The following XRN1 variants were observed in gnomAD, a reference collection of about 807,000 sequenced individuals.
The protein encoded by XRN1 is 5'-3' exoribonuclease 1.
XRN1 carries 67 observed loss-of-function variants against 222.3 expected under a neutral mutation model. The observed-to-expected ratio is 0.30, with a 90% CI of 0.25 to 0.37. The LOEUF is 0.37. Among genes scored for constraint, XRN1 ranks in the 10% least tolerant of loss-of-function variants. The pLI, the probability that XRN1 is intolerant of heterozygous loss-of-function variation, is 1.00. For missense variants in XRN1, 1,707 were observed against 2,000.2 expected (o/e 0.85, Z 2.80); for synonymous variants, 643 against 652.4 (o/e 0.99, Z 0.22).
At chr3:142,364,987 C>G (rs1429561217) in intron 29 of XRN1, 60 bp downstream of exon 29, 1 of 1,501,146 alleles carries the variant, frequency 6.7e-7, no homozygotes, top group Admixed American at 2.2e-5. Context: ...AACAGACAAG[C>G]CTGTTTATTA....
At chr3:142,379,586 A>G (rs1431829536) in intron 23 of XRN1, among the ~76,000 whole-genome samples, 1 of 152,246 alleles carries the variant, frequency 6.6e-6, no homozygotes, top group Non-Finnish European at 1.5e-5. Flanking sequence ...ACAAGAGAAA[A>G]GAACGCCAGT....
chr3:142,409,070 T>C (rs183576509), intron 15 of XRN1, among the ~76,000 whole-genome samples: 1 of 152,350 alleles, frequency 6.6e-6, no homozygotes, highest in African/African-American at 2.4e-5. Flanking sequence ...TTGGAGGAGC[T>C]GGTTATATAC....
At chr3:142,360,992 C>A (rs573070396) in intron 29 of XRN1, among the ~76,000 whole-genome samples, 103 of 151,940 alleles carry the variant, frequency 6.8e-4, no homozygotes, top group African/African-American at 2.4e-3. Context: ...ACATAATTAA[C>A]CATAAAGCCA....
chr3:142,393,519 G>C (rs900441192), intron 20 of XRN1, among the ~76,000 whole-genome samples: 2 of 150,534 alleles, frequency 1.3e-5, no homozygotes, highest in Non-Finnish European at 3.0e-5. Context: ...GTAAGGAAGG[G>C]ATCCAGTTTC....
intron 25 of XRN1, among the ~76,000 whole-genome samples, chr3:142,375,064 C>T (rs1421570910): frequency 1.3e-5 from 2 of 152,174 alleles, no homozygotes; most frequent in Non-Finnish European, 2.9e-5. Flanking sequence ...AACAGAGATG[C>T]TTCCCTAGTG....
chr3:142,417,124 G>GT lies in XRN1; in HGVS notation c.1436+15dup. On this transcript the variant is annotated intron_variant, in intron 13 of 40. Coordinates refer to ENST00000392981, the MANE Select transcript of XRN1 (RefSeq NM_001282857.2). ...TATAAAAAGACAAAACTTTATTTTT[G>GT]TTTTTATTCTCTCACCAGCTCCAGG... is the stretch of plus-strand genomic sequence containing the variant. 6.3e-7 allele frequency: 1 copy of GT among 1,577,138 alleles called. No homozygotes were observed. The highest frequency in any genetic ancestry group is 8.7e-7 in the Non-Finnish European group (1 of 1,155,808).
intron 25 of XRN1, among the ~76,000 whole-genome samples, chr3:142,373,688 T>C (rs1321672728): frequency 6.6e-6 from 1 of 152,148 alleles, no homozygotes; most frequent in African/African-American, 2.4e-5. Flanking sequence ...GAACAGTGGT[T>C]TCAAAATTCT....
chr3:142,421,865 G>A (rs1343546149), intron 8 of XRN1, among the ~76,000 whole-genome samples: 4 of 152,108 alleles, frequency 2.6e-5, no homozygotes, highest in Non-Finnish European at 4.4e-5. Context: ...AAGGACTGAT[G>A]TTCTGCTACC....
At chr3:142,426,640 C>T in intron 3 of XRN1, 104 bp downstream of exon 3, 1 of 1,129,648 alleles carries the variant, frequency 8.9e-7, no homozygotes, top group Non-Finnish European at 1.3e-6. Context: ...TAAATGGAAC[C>T]CTAAGGCCAA....
At chr3:142,368,383 A>G (rs932181242) in intron 27 of XRN1, among the ~76,000 whole-genome samples, 6 of 152,178 alleles carry the variant, frequency 3.9e-5, no homozygotes, top group African/African-American at 1.4e-4. Context: ...TCCTGACCTC[A>G]GGTGATCCAC....
At chr3:142,331,678 G>C (rs148726571) in intron 36 of XRN1, among the ~76,000 whole-genome samples, 2 of 152,290 alleles carry the variant, frequency 1.3e-5, no homozygotes, top group African/African-American at 2.4e-5. Context: ...TAAAGGTTTG[G>C]ATGTCTACAG....
At chr3:142,349,282 G>A (rs1382733893) in intron 32 of XRN1, among the ~76,000 whole-genome samples, 1 of 151,974 alleles carries the variant, frequency 6.6e-6, no homozygotes, top group East Asian at 1.9e-4. Flanking sequence ...AGTCAAAATG[G>A]CATGAGATTT....
chr3:142,342,059 C>A (rs2066008721), intron 33 of XRN1, among the ~76,000 whole-genome samples: 1 of 152,116 alleles, frequency 6.6e-6, no homozygotes, highest in South Asian at 2.1e-4. Context: ...TTGGAAAAAC[C>A]TGAATACTCC....
intron 25 of XRN1, among the ~76,000 whole-genome samples, chr3:142,373,481 C>T (rs549098223): frequency 1.8e-3 from 272 of 152,098 alleles, no homozygotes; most frequent in Non-Finnish European, 3.2e-3. Flanking sequence ...GCATCAGTTG[C>T]AAGCCTGAAA....
intron 20 of XRN1, among the ~76,000 whole-genome samples, chr3:142,389,176 G>A (rs1022654779): frequency 6.6e-6 from 1 of 152,194 alleles, no homozygotes; most frequent in Non-Finnish European, 1.5e-5. Context: ...TCGCACCACT[G>A]CACTCTGGCT....
At chr3:142,364,752 A>G (rs1454025541) in intron 29 of XRN1, among the ~76,000 whole-genome samples, 2 of 152,202 alleles carry the variant, frequency 1.3e-5, no homozygotes, top group African/African-American at 4.8e-5. Context: ...TCATGAAAAC[A>G]TATGTATGCT....
chr3:142,438,962 C>G (rs1260843744), intron 1 of XRN1, among the ~76,000 whole-genome samples: 1 of 151,970 alleles, frequency 6.6e-6, no homozygotes, highest in East Asian at 1.9e-4. Flanking sequence ...CCAAACGGTC[C>G]AAAGGAGACA....
chr3:142,429,271 C>G (rs905196372), intron 2 of XRN1, among the ~76,000 whole-genome samples: 2 of 151,320 alleles, frequency 1.3e-5, no homozygotes, highest in East Asian at 2.0e-4. Context: ...CTCACCCTCC[C>G]GAGTAGCTGG....
intron 2 of XRN1, among the ~76,000 whole-genome samples, chr3:142,427,314 A>G (rs921874528): frequency 1.3e-5 from 2 of 152,134 alleles, no homozygotes; most frequent in Middle Eastern, 3.2e-3. Flanking sequence ...AGGCTGTGTG[A>G]CACAGTGAGT....
Sources: allele counts gnomAD v4.1 joint callset (sites outside exome capture counted in the v4.1 genomes callset), GRCh38; gene constraint gnomAD v4.1.1; transcripts MANE v1.5; gene names NCBI Gene and HGNC (gene_info 2026-07-23, HGNC 2026-07-21).